The following SORCS1 variants were observed in gnomAD, a reference collection of about 807,000 sequenced individuals.
SORCS1 encodes the protein VPS10 domain-containing receptor SorCS1.
SORCS1 carries 60 observed loss-of-function variants against 146.1 expected under a neutral mutation model. The ratio of observed to expected loss-of-function variants is 0.41; its 90% CI spans 0.33 to 0.51. The LOEUF (loss-of-function observed/expected upper bound fraction) is 0.51. Ranked by LOEUF, SORCS1 falls within the 20% of genes least tolerant of loss-of-function variation. The probability of loss-of-function intolerance (pLI) is 0.21; values close to 1 mark genes in which losing one functional copy is unlikely to be tolerated. For synonymous variants in SORCS1, 637 were observed against 584.0 expected (o/e 1.09, Z -1.31); for missense variants, 1,352 against 1,487.6 (o/e 0.91, Z 1.50).
chr10:106,804,859 C>T (rs1947085718), intron 3 of SORCS1, among the ~76,000 whole-genome samples: 1 of 152,058 alleles, frequency 6.6e-6, no homozygotes, highest in Non-Finnish European at 1.5e-5. Flanking sequence ...ATAGATAACC[C>T]ATTACATAGG....
At chr10:107,027,726 C>T (rs531336725) in intron 1 of SORCS1, among the ~76,000 whole-genome samples, 19 of 152,300 alleles carry the variant, frequency 1.2e-4, no homozygotes, top group African/African-American at 4.1e-4. Context: ...GGGAAAGATA[C>T]CCTTTCTCCA....
At chr10:106,908,091 G>A (rs574490877) in intron 2 of SORCS1, among the ~76,000 whole-genome samples, 1 of 152,204 alleles carries the variant, frequency 6.6e-6, no homozygotes, top group Non-Finnish European at 1.5e-5. Flanking sequence ...CTCTATACAG[G>A]TCAGGACTAT....
upstream of SORCS1, among the ~76,000 whole-genome samples, chr10:107,167,027 A>G (rs7072704): frequency 0.23 from 34,698 of 152,224 alleles, 4,042 homozygotes; most frequent in African/African-American, 0.27. Flanking sequence ...TCCCTTTAAA[A>G]TGAAAGCATT....
chr10:106,942,289 C>T (rs1226766601), intron 2 of SORCS1, among the ~76,000 whole-genome samples: 2 of 152,132 alleles, frequency 1.3e-5, no homozygotes, highest in Non-Finnish European at 2.9e-5. Context: ...GTTTGTCCTC[C>T]TCCCACCTCC....
chr10:106,649,034 C>T (rs1317608989), intron 18 of SORCS1, among the ~76,000 whole-genome samples: 1 of 152,098 alleles, frequency 6.6e-6, no homozygotes, highest in Non-Finnish European at 1.5e-5. Flanking sequence ...GAAAACCTTC[C>T]CACTCCATCC....
At chr10:107,122,589 G>C (rs2134553153) in intron 1 of SORCS1, among the ~76,000 whole-genome samples, 1 of 152,234 alleles carries the variant, frequency 6.6e-6, no homozygotes, top group East Asian at 1.9e-4. Context: ...TATTTTTATG[G>C]ATAAAATAGC....
intron 1 of SORCS1, among the ~76,000 whole-genome samples, chr10:107,160,445 G>A (rs552929560): frequency 2.0e-5 from 3 of 152,240 alleles, no homozygotes; most frequent in African/African-American, 4.8e-5. Flanking sequence ...GATGATGAAT[G>A]TAAAGCATCT....
rs1949365903 is a variant in SORCS1 at position 106,847,826 on chromosome 10, C to G, written c.627-18153G>C. On this transcript the variant is annotated intron_variant, in intron 2 of 25. Coordinates refer to ENST00000263054, the MANE Select transcript of SORCS1 (RefSeq NM_052918.5). ...TTTCAAAGAACATCTTTACTTCTGT[C>G]TTCATTTCGTTATGTACCCAGTAGT... Among the ~76,000 whole-genome samples, 3 of 142,522 alleles carry G rather than the reference C, an allele frequency of 2.1e-5. 1 individual carries two copies. The highest frequency in any genetic ancestry group is 7.6e-5 in the African/African-American group (3 of 39,308). The allele number at this position is 142,522 out of a possible 152,430, so 93.5% of individuals were successfully genotyped here.
chr10:107,001,462 A>G (rs892579879), intron 1 of SORCS1, among the ~76,000 whole-genome samples: 1 of 152,190 alleles, frequency 6.6e-6, no homozygotes, highest in Non-Finnish European at 1.5e-5. Flanking sequence ...ATAAGCAAAG[A>G]CATGGGGGTT....
chr10:107,044,681 G>A (rs959707372), intron 1 of SORCS1, among the ~76,000 whole-genome samples: 8 of 151,552 alleles, frequency 5.3e-5, no homozygotes, highest in Non-Finnish European at 1.0e-4. Flanking sequence ...AAATTAGCCG[G>A]GTGTTGTGGC....
At chr10:106,803,389 A>T (rs890941163) in intron 3 of SORCS1, among the ~76,000 whole-genome samples, 5 of 152,226 alleles carry the variant, frequency 3.3e-5, no homozygotes, top group Non-Finnish European at 7.3e-5. Flanking sequence ...TTATAAGAGT[A>T]TTTATTGTAA....
intron 2 of SORCS1, among the ~76,000 whole-genome samples, chr10:106,912,107 C>T (rs1255473355): frequency 4.8e-5 from 6 of 123,908 alleles, no homozygotes; most frequent in Admixed American, 2.5e-4. Flanking sequence ...ATTGAGCCTC[C>T]GTCTCAAAAA....
At chr10:107,040,033 C>A (rs1243614009) in intron 1 of SORCS1, among the ~76,000 whole-genome samples, 2 of 152,138 alleles carry the variant, frequency 1.3e-5, no homozygotes, top group African/African-American at 4.8e-5. Flanking sequence ...GCAGTCCAGC[C>A]TGGGTGACAG....
chr10:106,638,058 A>T lies in SORCS1; in HGVS notation c.2476-8670T>A, dbSNP rs1485350437. ...TCCCTCTAGATATTATGGTACAGAG[A>T]GGTTCAGAACCTTGACCCATTGCAC... On this transcript the variant is annotated intron_variant, in intron 18 of 25. Transcript: ENST00000263054. Among the ~76,000 whole-genome samples, 3 of 152,186 alleles carry T rather than the reference A, an allele frequency of 2.0e-5. No individual in the cohort carries two copies. The South Asian group carries it at 6.2e-4, about 31-fold the overall frequency.
chr10:106,714,395 T>C (rs777216425), intron 6 of SORCS1, among the ~76,000 whole-genome samples: 12 of 152,064 alleles, frequency 7.9e-5, no homozygotes. Flanking sequence ...TTTTATATTA[T>C]AGAAGTAGGT....
chr10:106,617,636 C>T (rs897908168), intron 21 of SORCS1, among the ~76,000 whole-genome samples: 3 of 152,078 alleles, frequency 2.0e-5, no homozygotes, highest in Admixed American at 1.3e-4. Flanking sequence ...TCAAATATCC[C>T]GTCTATGGCT....
intron 17 of SORCS1, among the ~76,000 whole-genome samples, chr10:106,659,284 G>A (rs1015008056): frequency 2.0e-5 from 3 of 152,216 alleles, no homozygotes; most frequent in African/African-American, 7.2e-5. Flanking sequence ...GCATTAAGCA[G>A]GATGGAAGCA....
intron 3 of SORCS1, among the ~76,000 whole-genome samples, chr10:106,821,610 T>G (rs1033833311): frequency 6.6e-6 from 1 of 152,148 alleles, no homozygotes; most frequent in African/African-American, 2.4e-5. Flanking sequence ...AGCAGGAAGC[T>G]TCTTTCTATC....
intron 10 of SORCS1, among the ~76,000 whole-genome samples, chr10:106,686,028 T>G (rs1239135639): frequency 6.6e-6 from 1 of 152,244 alleles, no homozygotes; most frequent in Non-Finnish European, 1.5e-5. Flanking sequence ...TATATCGGTA[T>G]ATACATCTGT....
Sources: gnomAD v4.1 joint callset for allele counts (sites outside exome capture counted in the v4.1 genomes callset) on GRCh38, gnomAD v4.1.1 for gene constraint, MANE v1.5 for transcripts, NCBI Gene and HGNC (gene_info 2026-07-23, HGNC 2026-07-21) for gene names.